The following NOC3L variants were observed in gnomAD, a reference collection of about 807,000 sequenced individuals.
NOC3L encodes the protein NOC3 like DNA replication regulator.
Under a neutral mutation model 102.5 loss-of-function variants are expected in NOC3L, and 85 were observed. That is an observed-to-expected ratio of 0.83 (90% CI 0.70 to 0.99). The LOEUF is 0.99. Ranked by LOEUF, NOC3L falls within the 50% of genes least tolerant of loss-of-function variation. The pLI is 0.00. For synonymous variants in NOC3L, 303 were observed against 309.4 expected, an observed-to-expected ratio of 0.98 and a Z score of 0.22; for missense variants, 878 against 914.9, an observed-to-expected ratio of 0.96 and a Z score of 0.52.
intron 9 of NOC3L, 24 bp downstream of exon 9, chr10:94,350,089 C>A: frequency 6.2e-7 from 1 of 1,611,946 alleles, no homozygotes. Context: ...AGGAGGACAG[C>A]AATAACCATT....
downstream of NOC3L, chr10:94,330,112 A>G (rs2054142154): frequency 6.6e-6 from 1 of 152,198 alleles, no homozygotes; most frequent in African/African-American, 2.4e-5. Flanking sequence ...TGTGCAGAGT[A>G]ACAAGATGAA....
the NOC3L span, among the ~76,000 whole-genome samples, chr10:94,320,416 G>A: frequency 6.6e-6 from 1 of 152,114 alleles, no homozygotes; most frequent in African/African-American, 2.4e-5. Context: ...TTAAATGATT[G>A]GGGCAAGCTT....
rs61886347 is a variant in NOC3L, at chr10:94,349,244, G to C, written c.1257+6C>G. On this transcript the variant is annotated splice_donor_region_variant and intron_variant, in intron 10 of 20. Coordinates refer to ENST00000371361, the MANE Select transcript of NOC3L (RefSeq NM_022451.11). ...CAAAATGCAAAGTAAAAAAAAAAAG[G>C]CTCACCTCTGGCCTAACTTCGTAAT... The C allele has an allele frequency of 6.4e-7, 1 of 1,551,210 alleles. No individual in the cohort carries two copies. Among genetic ancestry groups the C allele is most frequent in the Non-Finnish European group, 8.6e-7 (1 of 1,160,246 alleles).
rs755632259 is a variant in NOC3L, at chr10:94,352,928, G to A, written c.826C>T (p.Arg276Trp). The change falls in exon 7 of 21, where the codon CGG becomes TGG. Residue 276 changes from arginine (R) to tryptophan (W), a missense_variant. Arg to Trp is a moderately radical substitution (Grantham distance 101, BLOSUM62 -3). Coordinates refer to ENST00000371361, the MANE Select transcript of NOC3L (RefSeq NM_022451.11). ...FKDITPSYKI[R>W]PLTEAEKSTK... ...GATTTTTCTGCTTCTGTGAGGGGCCGGATTTTATATGAAGGAGTAATATCT... is the reference window on the plus strand; with the variant it reads ...GATTTTTCTGCTTCTGTGAGGGGCCAGATTTTATATGAAGGAGTAATATCT... The A allele has an allele frequency of 6.2e-7, 1 of 1,613,300 alleles. No homozygotes were observed. Among genetic ancestry groups the A allele is most frequent in the Non-Finnish European group, 8.5e-7 (1 of 1,179,564 alleles).
chr10:94,348,419 T>G (rs1265500162), intron 10 of NOC3L, among the ~76,000 whole-genome samples: 1 of 152,006 alleles, frequency 6.6e-6, no homozygotes, highest in Admixed American at 6.6e-5. Flanking sequence ...ATATTCTTTA[T>G]GTAATGCAAG....
intron 13 of NOC3L, among the ~76,000 whole-genome samples, chr10:94,343,290 A>T (rs2054306727): frequency 6.6e-6 from 1 of 152,190 alleles, no homozygotes; most frequent in African/African-American, 2.4e-5. Flanking sequence ...CACGCCTGTA[A>T]TCCTAGCACT....
intron 8 of NOC3L, 150 bp from the exon 9 acceptor site, chr10:94,350,438 C>A: frequency 1.5e-6 from 1 of 664,120 alleles, no homozygotes; most frequent in Non-Finnish European, 2.6e-6. Context: ...ATGCTGGGCA[C>A]AGTGGCTCAC....
At chr10:94,337,357 CAAA>C (rs71031571) in intron 19 of NOC3L, among the ~76,000 whole-genome samples, 1 of 131,538 alleles carries the variant, frequency 7.6e-6, no homozygotes. Flanking sequence ...CAGGGCCATT[CAAA>C]AAAAAAAAAA....
chr10:94,350,918 T>TA (rs931072277), intron 8 of NOC3L, among the ~76,000 whole-genome samples: 1 of 151,738 alleles, frequency 6.6e-6, no homozygotes, highest in Non-Finnish European at 1.5e-5. Flanking sequence ...AACTTAGTAC[T>TA]AAAAAAAACT....
At position 94,350,594 on chromosome 10, in the gene NOC3L, T is replaced by G. The variant is rs544315750; in HGVS notation, c.953-306A>C. Among the ~76,000 whole-genome samples the G allele has an allele frequency of 2.4e-3, 362 of 151,716 alleles. 1 individual carries two copies. Among genetic ancestry groups the G allele is most frequent in the African/African-American group, 8.4e-3 (349 of 41,358 alleles). ...CCAGGCATGGTGGGTGGCACACGCC[T>G]GTAGTCCCAGCTATTCAGGAGGCTG... is the stretch of plus-strand genomic sequence containing the variant. On this transcript the variant is annotated intron_variant, in intron 8 of 20. Transcript: ENST00000371361.
the NOC3L span, among the ~76,000 whole-genome samples, chr10:94,319,891 A>C: frequency 1.2e-5 from 1 of 83,910 alleles, no homozygotes; most frequent in Non-Finnish European, 2.3e-5. Flanking sequence ...TTTTTTTGAG[A>C]TGGAGTCTGG....
rs1225367282 is a variant in NOC3L at position 94,333,327 on chromosome 10, A to G, written c.*850T>C. 1.3e-5 allele frequency: 2 copies of G among 152,210 alleles called. No individual in the cohort carries two copies. The highest frequency in any genetic ancestry group is 2.9e-5 in the Non-Finnish European group (2 of 68,030). The allele number at this position is 152,210 out of a possible 1,614,324, so 9.4% of individuals were successfully genotyped here. On this transcript the variant is annotated 3_prime_UTR_variant, in exon 21 of 21. Coordinates refer to ENST00000371361, the MANE Select transcript of NOC3L (RefSeq NM_022451.11). ...GCATTTCTTAGGCCACTCCTAGAATATGGGAATAGCTGTTACATAAAATAC... is the reference window on the plus strand; with the variant it reads ...GCATTTCTTAGGCCACTCCTAGAATGTGGGAATAGCTGTTACATAAAATAC...
chr10:94,358,629 T>C (rs578173078), intron 2 of NOC3L, among the ~76,000 whole-genome samples: 1 of 152,316 alleles, frequency 6.6e-6, no homozygotes, highest in East Asian at 1.9e-4. Flanking sequence ...TCCAATTACT[T>C]TCACTTCGTA....
chr10:94,347,408 A>G (rs1269694615), intron 10 of NOC3L, among the ~76,000 whole-genome samples: 1 of 152,144 alleles, frequency 6.6e-6, no homozygotes, highest in Non-Finnish European at 1.5e-5. Flanking sequence ...TACCAACGAA[A>G]AATAACTCCA....
At chr10:94,322,750 G>A in the NOC3L span, among the ~76,000 whole-genome samples, 10 of 151,348 alleles carry the variant, frequency 6.6e-5, no homozygotes, top group African/African-American at 1.2e-4. Context: ...ATGCCATTGC[G>A]CGTCAGCCTG....
the NOC3L span, chr10:94,321,819 A>G: frequency 9.9e-7 from 1 of 1,012,270 alleles, no homozygotes; most frequent in Non-Finnish European, 1.5e-6. Context: ...ACCAAGATAC[A>G]AGCTCAGATT....
At chr10:94,355,761 CTATT>C (rs1171192612) in intron 5 of NOC3L, among the ~76,000 whole-genome samples, 3 of 151,894 alleles carry the variant, frequency 2.0e-5, no homozygotes, top group East Asian at 1.9e-4. Context: ...TAGGATAATC[CTATT>C]TAGTTTTTTT....
chr10:94,340,035 C>G, intron 16 of NOC3L, 115 bp from the exon 17 acceptor site: 1 of 910,716 alleles, frequency 1.1e-6, no homozygotes, highest in Non-Finnish European at 1.7e-6. Context: ...AACCATTTCT[C>G]TAATCAATGA....
chr10:94,362,732 G>T, intron 1 of NOC3L, 98 bp downstream of exon 1: 2 of 1,351,930 alleles, frequency 1.5e-6, no homozygotes, highest in Non-Finnish European at 1.1e-6. Context: ...CCGCCCCCTA[G>T]ACACGGGTGA....
Sources: gnomAD v4.1 joint callset for allele counts (sites outside exome capture counted in the v4.1 genomes callset) on GRCh38, gnomAD v4.1.1 for gene constraint, MANE v1.5 for transcripts, NCBI Gene and HGNC (gene_info 2026-07-23, HGNC 2026-07-21) for gene names.